CALN1: variants seen among roughly 807,000 people sequenced by gnomAD.
CALN1 encodes calcium-binding protein 8.
A neutral mutation model predicts 30.6 loss-of-function variants in CALN1; 17 were observed. That is an observed-to-expected ratio of 0.56 (90% CI 0.38 to 0.83). The LOEUF is 0.83. CALN1 is among the 40% of genes least tolerant of loss of function. CALN1 has a pLI of 0.00. For synonymous variants in CALN1, 156 were observed against 131.4 expected (o/e 1.19, Z -1.28); for missense variants, 291 against 354.9 (o/e 0.82, Z 1.45).
intron 2 of CALN1, among the ~76,000 whole-genome samples, chr7:72,388,012 G>C (rs1244389885): frequency 6.6e-6 from 1 of 152,148 alleles, no homozygotes; most frequent in Non-Finnish European, 1.5e-5. Flanking sequence ...TTTCCAAAGA[G>C]TTACTAGGTT....
chr7:71,874,279 TAAAAAA>T (rs57423286), intron 5 of CALN1, among the ~76,000 whole-genome samples: 7 of 97,636 alleles, frequency 7.2e-5, no homozygotes, highest in East Asian at 2.5e-4. Context: ...TCTCAAACAT[TAAAAAA>T]AAAAAAAAAA....
rs1198761162 is a variant in CALN1, at chr7:71,802,278, T to G, written c.658+8058A>C. Among the ~76,000 whole-genome samples, 4 of 152,180 alleles carry G rather than the reference T, an allele frequency of 2.6e-5. No homozygotes were observed. The South Asian group carries it at 8.3e-4, about 31-fold the overall frequency. On this transcript the variant is annotated intron_variant, in intron 6 of 6. Transcript: ENST00000395275. ...GATGCCAGCAACTGGAACCAAATAA[T>G]AAGATATACATTCGTCTCAGTGTCA... is the stretch of plus-strand genomic sequence containing the variant.
chr7:72,413,221 A>T (rs987009638), upstream of CALN1, among the ~76,000 whole-genome samples: 1 of 151,494 alleles, frequency 6.6e-6, no homozygotes, highest in Non-Finnish European at 1.5e-5. Context: ...ACACTCATAC[A>T]CACATATACA....
At chr7:72,317,257 G>T (rs969536337) in intron 2 of CALN1, among the ~76,000 whole-genome samples, 2 of 133,640 alleles carry the variant, frequency 1.5e-5, no homozygotes, top group African/African-American at 2.8e-5. Context: ...AGAGAGAAGG[G>T]GGGGACGGAG....
rs114630226 is a variant in CALN1, at chr7:71,883,117, A to G, written c.502-72625T>C. Among the ~76,000 whole-genome samples the G allele has an allele frequency of 2.1e-3, 305 of 148,630 alleles. 1 individual carries two copies. The highest frequency in any genetic ancestry group is 7.0e-3 in the African/African-American group (277 of 39,766). ...AAATACTATGAGGATAGTGATATAT[A>G]TATCTATAGCTCTATATCTATATAA... On this transcript the variant is annotated intron_variant, in intron 5 of 6. Transcript: ENST00000395275.
intron 4 of CALN1, among the ~76,000 whole-genome samples, chr7:72,025,616 A>C (rs1465789437): frequency 2.0e-5 from 3 of 152,142 alleles, no homozygotes; most frequent in Non-Finnish European, 4.4e-5. Flanking sequence ...CCTTCAAGGC[A>C]TTGTTGGGTC....
intron 2 of CALN1, among the ~76,000 whole-genome samples, chr7:72,351,565 G>A (rs1802917492): frequency 6.6e-6 from 1 of 152,176 alleles, no homozygotes; most frequent in Non-Finnish European, 1.5e-5. Context: ...CACAAAGGGA[G>A]TAAGGAAATG....
intron 5 of CALN1, among the ~76,000 whole-genome samples, chr7:71,921,693 T>C (rs1794954472): frequency 6.6e-6 from 1 of 152,142 alleles, no homozygotes; most frequent in African/African-American, 2.4e-5. Flanking sequence ...TGGCATTTAG[T>C]GTGGAAGAAA....
At chr7:72,299,054 A>G (rs917833259) in intron 2 of CALN1, among the ~76,000 whole-genome samples, 5 of 152,154 alleles carry the variant, frequency 3.3e-5, no homozygotes, top group Non-Finnish European at 7.3e-5. Context: ...CACTTGTGTC[A>G]CAAGTCACTG....
rs114200385 is a variant in CALN1 at position 72,028,532 on chromosome 7, C to A, written c.389-4763G>T. Among the ~76,000 whole-genome samples the A allele has an allele frequency of 7.6e-3, 1,159 of 152,278 alleles. 18 individuals carry two copies. Among genetic ancestry groups the A allele is most frequent in the African/African-American group, 0.027 (1,109 of 41,552 alleles). ...AGAGAAGAAGCGATGGAGAAGGGCA[C>A]TCAGGATCCTATGGGCAGGGCCAAC... On this transcript the variant is annotated intron_variant, in intron 4 of 6. Coordinates refer to ENST00000395275, the MANE Select transcript of CALN1 (RefSeq NM_031468.4).
intron 2 of CALN1, among the ~76,000 whole-genome samples, chr7:72,327,585 T>C (rs910134854): frequency 6.6e-6 from 1 of 152,228 alleles, no homozygotes; most frequent in African/African-American, 2.4e-5. Flanking sequence ...ACCAAAATAA[T>C]TAGCCAAGCT....
At chr7:71,937,355 T>TGTGTATATATGTAGATAC (rs1795895507) in intron 5 of CALN1, among the ~76,000 whole-genome samples, 1 of 151,992 alleles carries the variant, frequency 6.6e-6, no homozygotes, top group African/African-American at 2.4e-5. Flanking sequence ...TATTTATATG[T>TGTGTATATATGTAGATAC]GTGTATATAT....
chr7:72,068,406 AC>A (rs758957079), intron 4 of CALN1, among the ~76,000 whole-genome samples: 1 of 152,170 alleles, frequency 6.6e-6, no homozygotes, highest in Non-Finnish European at 1.5e-5. Context: ...AGTGGTATCA[AC>A]CATGATGAAG....
Position 71,782,932 on chromosome 7 carries a change from T to G in CALN1, c.*4843A>C, listed in dbSNP as rs1280168506. 1 of 151,696 alleles carries G rather than the reference T, an allele frequency of 6.6e-6. No individual in the cohort carries two copies. The highest frequency in any genetic ancestry group is 1.9e-4 in the East Asian group (1 of 5,166). The allele number at this position is 151,696 out of a possible 1,614,324, so 9.4% of individuals were successfully genotyped here. ...TAATTTTTGTATTTTTTTTTTTTAG[T>G]AGAGATGGGGTTTCACCACGTTGGC... On this transcript the variant is annotated 3_prime_UTR_variant, in exon 7 of 7. Transcript: ENST00000395275.
chr7:71,844,061 G>A (rs1212459373), intron 5 of CALN1, among the ~76,000 whole-genome samples: 1 of 152,114 alleles, frequency 6.6e-6, no homozygotes, highest in Non-Finnish European at 1.5e-5. Flanking sequence ...CTGGAGTTGG[G>A]ACAGTCATGT....
At chr7:72,018,830 T>A (rs1191049233) in intron 5 of CALN1, among the ~76,000 whole-genome samples, 1 of 145,540 alleles carries the variant, frequency 6.9e-6, no homozygotes, top group Admixed American at 6.7e-5. Context: ...TGGAAAAAAA[T>A]TATTTTATTT....
intron 5 of CALN1, among the ~76,000 whole-genome samples, chr7:71,909,926 A>C (rs1259723405): frequency 6.6e-6 from 1 of 152,122 alleles, no homozygotes; most frequent in Non-Finnish European, 1.5e-5. Flanking sequence ...AGTTTAATGG[A>C]CTCACAGTTC....
intron 3 of CALN1, among the ~76,000 whole-genome samples, chr7:72,111,514 G>C (rs940256093): frequency 2.6e-5 from 4 of 152,042 alleles, no homozygotes; most frequent in African/African-American, 9.7e-5. Flanking sequence ...CTGAAGTGCA[G>C]TGGCACCATG....
At chr7:72,421,409 C>T (rs1355382740) in intron 1 of CALN1, among the ~76,000 whole-genome samples, 1 of 152,028 alleles carries the variant, frequency 6.6e-6, no homozygotes, top group East Asian at 1.9e-4. Context: ...CGTAAATCCT[C>T]ACCTTTTCCG....
Sources: allele counts gnomAD v4.1 joint callset (sites outside exome capture counted in the v4.1 genomes callset), GRCh38; gene constraint gnomAD v4.1.1; transcripts MANE v1.5; gene names NCBI Gene and HGNC (gene_info 2026-07-23, HGNC 2026-07-21).